NEK11: variants seen among roughly 807,000 people sequenced by gnomAD.
The protein encoded by NEK11 is NIMA related kinase 11.
Under a neutral mutation model 80.7 loss-of-function variants are expected in NEK11, and 72 were observed. The ratio of observed to expected loss-of-function variants is 0.89; its 90% CI spans 0.74 to 1.08. NEK11 has a LOEUF of 1.08. NEK11 is among the 50% of genes least tolerant of loss of function. The pLI is 0.00. For synonymous variants in NEK11, 251 were observed against 260.7 expected, an observed-to-expected ratio of 0.96 and a Z score of 0.36; for missense variants, 764 against 763.6, an observed-to-expected ratio of 1.00 and a Z score of -0.01.
At chr3:131,228,430 C>A in intron 14 of NEK11, 98 bp from the exon 15 acceptor site, 1 of 1,110,910 alleles carries the variant, frequency 9.0e-7, no homozygotes, top group Non-Finnish European at 1.2e-6. Flanking sequence ...GCTTTGTCAA[C>A]GCAAGCAAAA....
intron 3 of NEK11, among the ~76,000 whole-genome samples, chr3:131,079,614 TG>T (rs1364750260): frequency 6.6e-6 from 1 of 152,174 alleles, no homozygotes; most frequent in East Asian, 1.9e-4. Flanking sequence ...TTTTCTTAGA[TG>T]GGAAGAGATA....
intron 5 of NEK11, among the ~76,000 whole-genome samples, chr3:131,110,795 A>G (rs1451671251): frequency 6.6e-6 from 1 of 152,178 alleles, no homozygotes; most frequent in Non-Finnish European, 1.5e-5. Flanking sequence ...GTACTTTCTG[A>G]CAGCATAAAA....
chr3:131,312,886 C>CG (rs1023280817), intron 17 of NEK11, among the ~76,000 whole-genome samples: 8 of 151,930 alleles, frequency 5.3e-5, no homozygotes, highest in African/African-American at 1.2e-4. Flanking sequence ...AAACTCGTGT[C>CG]GGGGGGTTTG....
intron 11 of NEK11, among the ~76,000 whole-genome samples, chr3:131,164,396 G>A (rs2091991915): frequency 6.6e-6 from 1 of 152,188 alleles, no homozygotes; most frequent in Non-Finnish European, 1.5e-5. Context: ...TTGAGTGTGA[G>A]TTTTACTGGG....
At chr3:131,041,816 T>C (rs2066529114) in intron 3 of NEK11, among the ~76,000 whole-genome samples, 1 of 152,200 alleles carries the variant, frequency 6.6e-6, no homozygotes, top group Non-Finnish European at 1.5e-5. Flanking sequence ...CAGGGCAAGA[T>C]GGCCGAATAA....
chr3:131,288,791 T>A (rs2096509143), intron 17 of NEK11, among the ~76,000 whole-genome samples: 1 of 152,174 alleles, frequency 6.6e-6, no homozygotes, highest in Admixed American at 6.5e-5. Flanking sequence ...ACTCTTAGAT[T>A]ATGACTTTCC....
At chr3:131,165,622 C>A in intron 12 of NEK11, 103 bp downstream of exon 12, 1 of 696,566 alleles carries the variant, frequency 1.4e-6, no homozygotes, top group South Asian at 1.8e-5. Flanking sequence ...ACAAGAACAT[C>A]CAGATTAACT....
chr3:131,141,979 C>CA (rs1458124316), intron 7 of NEK11, among the ~76,000 whole-genome samples: 1 of 152,132 alleles, frequency 6.6e-6, no homozygotes, highest in Non-Finnish European at 1.5e-5. Flanking sequence ...CAAAGAACTC[C>CA]AAAAAATCTC....
chr3:131,044,080 C>T (rs181158625), intron 3 of NEK11, among the ~76,000 whole-genome samples: 1 of 151,672 alleles, frequency 6.6e-6, no homozygotes, highest in African/African-American at 2.4e-5. Context: ...TTTTGCCTTA[C>T]AAGAGGTCCT....
intron 4 of NEK11, among the ~76,000 whole-genome samples, chr3:131,102,804 A>G (rs535786715): frequency 5.1e-4 from 77 of 152,304 alleles, no homozygotes; most frequent in African/African-American, 8.7e-4. Context: ...CAGGAATACC[A>G]TTGAGTCATA....
At chr3:131,170,338 AG>A (rs2092602356) in intron 13 of NEK11, among the ~76,000 whole-genome samples, 1 of 152,216 alleles carries the variant, frequency 6.6e-6, no homozygotes, top group Admixed American at 6.5e-5. Flanking sequence ...AGAATCACAG[AG>A]CTTTAAAGCT....
rs1019110796 is a variant in NEK11 at position 131,055,173 on chromosome 3, G to A, written c.171-25250G>A. Among the ~76,000 whole-genome samples the A allele has an allele frequency of 5.1e-4, 77 of 152,102 alleles. 1 individual carries two copies. Among genetic ancestry groups the A allele is most frequent in the African/African-American group, 1.8e-3 (74 of 41,494 alleles). ...GTCCTGCAGTAAAAAATAGAGACGCGGTTTATATCAGCCAAGTGCTTAATG... is the reference window on the plus strand; with the variant it reads ...GTCCTGCAGTAAAAAATAGAGACGCAGTTTATATCAGCCAAGTGCTTAATG... On this transcript the variant is annotated intron_variant, in intron 3 of 17. Transcript: ENST00000383366.
intron 3 of NEK11, among the ~76,000 whole-genome samples, chr3:131,060,553 T>A (rs1167022504): frequency 2.6e-5 from 4 of 152,200 alleles, no homozygotes; most frequent in African/African-American, 4.8e-5. Flanking sequence ...CTTTCATCCA[T>A]TTTTTTAATC....
intron 16 of NEK11, among the ~76,000 whole-genome samples, chr3:131,268,284 C>T (rs143361805): frequency 0.016 from 2,361 of 152,280 alleles, 67 homozygotes; most frequent in African/African-American, 0.052. Flanking sequence ...ATTTGTCAAG[C>T]TCATTCTCCC....
intron 17 of NEK11, among the ~76,000 whole-genome samples, chr3:131,279,373 T>A (rs76703683): frequency 0.018 from 2,790 of 152,248 alleles, 39 homozygotes; most frequent in East Asian, 0.084. Context: ...ATTCACTTAT[T>A]TTCCATTTAT....
At chr3:131,080,320 A>C in intron 3 of NEK11, 103 bp from the exon 4 acceptor site, 1 of 792,370 alleles carries the variant, frequency 1.3e-6, no homozygotes, top group Admixed American at 3.0e-5. Flanking sequence ...ATATATGAGT[A>C]GGTCACAACC....
At chr3:131,028,641 A>T (rs948349002) in intron 2 of NEK11, among the ~76,000 whole-genome samples, 7 of 151,946 alleles carry the variant, frequency 4.6e-5, no homozygotes, top group Non-Finnish European at 4.4e-5. Flanking sequence ...ATCTCACTGC[A>T]AGCTCCGCCT....
At chr3:131,276,382 AC>A (rs2096290907) in intron 17 of NEK11, among the ~76,000 whole-genome samples, 1 of 152,102 alleles carries the variant, frequency 6.6e-6, no homozygotes, top group African/African-American at 2.4e-5. Flanking sequence ...GCCTCTGCCA[AC>A]CCCATTGGGA....
At chr3:131,108,991 C>T (rs2079631993) in intron 4 of NEK11, among the ~76,000 whole-genome samples, 1 of 151,846 alleles carries the variant, frequency 6.6e-6, no homozygotes, top group Non-Finnish European at 1.5e-5. Flanking sequence ...ATTTTATTGG[C>T]CGACCTTTTT....
Sources: allele counts gnomAD v4.1 joint callset (sites outside exome capture counted in the v4.1 genomes callset), GRCh38; gene constraint gnomAD v4.1.1; transcripts MANE v1.5; gene names NCBI Gene and HGNC (gene_info 2026-07-23, HGNC 2026-07-21).